The following TAF1 variants were observed in gnomAD, a reference collection of about 807,000 sequenced individuals.
TAF1 encodes the protein transcription initiation factor TFIID subunit 1.
TAF1 carries 2 observed loss-of-function variants against 138.5 expected under a neutral mutation model. That is an observed-to-expected ratio of 0.01 (90% confidence interval 0.01 to 0.05). The LOEUF (loss-of-function observed/expected upper bound fraction) is 0.05. Ranked by LOEUF, TAF1 falls within the 10% of genes least tolerant of loss-of-function variation. The probability of loss-of-function intolerance (pLI) is 1.00; values close to 1 mark genes in which losing one functional copy is unlikely to be tolerated. For synonymous variants in TAF1, 437 were observed against 503.2 expected (o/e 0.87, Z 1.76); for missense variants, 709 against 1,478.0 (o/e 0.48, Z 8.53).
At chrX:71,500,493 A>G (rs1383602583) in intron 13 of TAF1, among the ~76,000 whole-genome samples, 1 of 110,352 alleles carries the variant, frequency 9.1e-6, no homozygotes, top group East Asian at 2.9e-4. Context: ...TCTGAAAGAA[A>G]AAACCACCCA....
At chrX:71,475,357 G>A (rs2038959914) in intron 13 of TAF1, among the ~76,000 whole-genome samples, 1 of 110,509 alleles carries the variant, frequency 9.0e-6, no homozygotes, top group African/African-American at 3.3e-5. Context: ...AGGCTGAGGC[G>A]GGCGGATCAC....
At chrX:71,417,727 A>AT (rs1335108279) in intron 28 of TAF1, among the ~76,000 whole-genome samples, 4 of 111,494 alleles carry the variant, frequency 3.6e-5, no homozygotes, top group African/African-American at 1.3e-4. Flanking sequence ...TGTCAGCAGT[A>AT]AATGCATTTA....
intron 32 of TAF1, among the ~76,000 whole-genome samples, chrX:71,440,935 CCTTCTTCCTTCTTTCTTCTT>C: frequency 9.1e-6 from 1 of 109,708 alleles, no homozygotes; most frequent in African/African-American, 3.3e-5. Context: ...CTTCTTTCTC[CCTTCTTCCTTCTTTCTTCTT>C]CTTCTTGTTA....
chrX:71,451,710 T>A (rs1022537484), intron 32 of TAF1, among the ~76,000 whole-genome samples: 8 of 110,191 alleles, frequency 7.3e-5, no homozygotes, highest in African/African-American at 2.6e-4. Flanking sequence ...AGCGTCTGTT[T>A]AACAAAGCAC....
intron 3 of TAF1, among the ~76,000 whole-genome samples, chrX:71,374,011 T>C (rs750317591): frequency 2.7e-5 from 3 of 111,024 alleles, no homozygotes; most frequent in Non-Finnish European, 5.7e-5. Flanking sequence ...AAAAAAGATA[T>C]GGTCAGGAAA....
At chrX:71,472,709 G>T (rs2038911025) in intron 13 of TAF1, among the ~76,000 whole-genome samples, 1 of 111,332 alleles carries the variant, frequency 9.0e-6, no homozygotes, top group African/African-American at 3.3e-5. Context: ...CTCCAGCCTG[G>T]GCGACAGTGA....
chrX:71,438,817 TAGCC>T (rs1007089098), intron 32 of TAF1, among the ~76,000 whole-genome samples: 7 of 111,297 alleles, frequency 6.3e-5, no homozygotes, highest in African/African-American at 2.3e-4. Flanking sequence ...ACAAAAAAAT[TAGCC>T]AGGCGTGGTG....
intron 13 of TAF1, among the ~76,000 whole-genome samples, chrX:71,471,696 G>C (rs994004209): frequency 9.0e-6 from 1 of 111,079 alleles, no homozygotes; most frequent in Non-Finnish European, 1.9e-5. Flanking sequence ...TATTGAAAAC[G>C]AAAGTACACT....
chrX:71,458,602 A>G (rs1006963558), intron 35 of TAF1, among the ~76,000 whole-genome samples: 1 of 112,007 alleles, frequency 8.9e-6, no homozygotes, highest in Admixed American at 9.5e-5. Context: ...TTCAGGGAAG[A>G]CACAAGTATG....
At chrX:71,443,968 C>G (rs1187250944) in intron 32 of TAF1, among the ~76,000 whole-genome samples, 2 of 111,275 alleles carry the variant, frequency 1.8e-5, no homozygotes, top group African/African-American at 6.5e-5. Flanking sequence ...GCCTCAGCCT[C>G]CCAAAGTGTT....
intron 32 of TAF1, among the ~76,000 whole-genome samples, chrX:71,433,611 T>C (rs1472108982): frequency 9.0e-6 from 1 of 111,421 alleles, no homozygotes; most frequent in Non-Finnish European, 1.9e-5. Flanking sequence ...TCTGGACTTT[T>C]TATGTGATTT....
At chrX:71,503,793 C>T (rs2147584606) in intron 13 of TAF1, among the ~76,000 whole-genome samples, 1 of 109,814 alleles carries the variant, frequency 9.1e-6, no homozygotes, top group African/African-American at 3.3e-5. Context: ...GTTTCCTTCT[C>T]TTCCCTCCTC....
At chrX:71,456,701 G>GTTTTTTTTTTTTTT (rs2038316350) in intron 34 of TAF1, among the ~76,000 whole-genome samples, 1 of 44,334 alleles carries the variant, frequency 2.3e-5, no homozygotes, top group Non-Finnish European at 3.8e-5. Flanking sequence ...TTGAGACCGA[G>GTTTTTTTTTTTTTT]TTTTGCTCTT....
intron 32 of TAF1, among the ~76,000 whole-genome samples, chrX:71,431,871 G>A (rs750060759): frequency 1.9e-5 from 2 of 105,439 alleles, no homozygotes; most frequent in Non-Finnish European, 3.9e-5. Flanking sequence ...AGCCGAGATT[G>A]CACTGCTGTA....
intron 13 of TAF1, among the ~76,000 whole-genome samples, chrX:71,502,083 T>C (rs926219767): frequency 8.1e-5 from 9 of 111,278 alleles, no homozygotes; most frequent in African/African-American, 2.9e-4. Context: ...TTCCACAGTG[T>C]GGAAGGGGAC....
downstream of TAF1, among the ~76,000 whole-genome samples, chrX:71,469,863 G>A (rs1280568375): frequency 1.3e-4 from 14 of 110,215 alleles, no homozygotes; most frequent in African/African-American, 4.6e-4. Flanking sequence ...CACCATGCCC[G>A]GCTAATTTTG....
chrX:71,452,184 C>T (rs1176559215), intron 32 of TAF1, among the ~76,000 whole-genome samples: 14 of 107,541 alleles, frequency 1.3e-4, no homozygotes, highest in African/African-American at 3.4e-4. Flanking sequence ...CCCTCCTGGA[C>T]GGGGTGGCTG....
At chrX:71,467,338 G>A (rs1050250546), downstream of TAF1, among the ~76,000 whole-genome samples, 2 of 110,206 alleles carry the variant, frequency 1.8e-5, no homozygotes, top group African/African-American at 6.6e-5. Context: ...GAACTTCTGG[G>A]CTCAAGCAAT....
intron 13 of TAF1, among the ~76,000 whole-genome samples, chrX:71,498,878 G>A (rs978190166): frequency 8.9e-6 from 1 of 111,817 alleles, no homozygotes; most frequent in Non-Finnish European, 1.9e-5. Context: ...GGATACCTCG[G>A]ATGGTAATGG....
Sources: allele counts gnomAD v4.1 joint callset (sites outside exome capture counted in the v4.1 genomes callset), GRCh38; gene constraint gnomAD v4.1.1; transcripts MANE v1.5; gene names NCBI Gene and HGNC (gene_info 2026-07-23, HGNC 2026-07-21).